The following ACBD6 variants were observed in gnomAD, a reference collection of about 807,000 sequenced individuals.
ACBD6 encodes the protein acyl-CoA-binding domain-containing protein 6.
ACBD6 carries 28 observed loss-of-function variants against 37.2 expected under a neutral mutation model. That is an observed-to-expected ratio of 0.75 (90% CI 0.56 to 1.03). The LOEUF is 1.03. Among genes scored for constraint, ACBD6 ranks in the 50% least tolerant of loss-of-function variants. The probability of loss-of-function intolerance (pLI) is 0.00; values close to 1 mark genes in which losing one functional copy is unlikely to be tolerated. For synonymous variants in ACBD6, 113 were observed against 126.8 expected (o/e 0.89, Z 0.73); for missense variants, 340 against 337.4 (o/e 1.01, Z -0.06).
chr1:180,395,524 T>C (rs1654227769), intron 6 of ACBD6, among the ~76,000 whole-genome samples: 3 of 152,182 alleles, frequency 2.0e-5, no homozygotes, highest in Admixed American at 6.5e-5. Flanking sequence ...AAGACAAAGA[T>C]GCCTATGTTA....
At chr1:180,405,275 T>C (rs1162969217) in intron 5 of ACBD6, among the ~76,000 whole-genome samples, 1 of 13,222 alleles carries the variant, frequency 7.6e-5, no homozygotes, top group Non-Finnish European at 1.3e-4. Flanking sequence ...GCATGCAAAT[T>C]GTATTGTTAG....
chr1:180,435,820 G>T, intron 3 of ACBD6: 1 of 999,574 alleles, frequency 1.0e-6, no homozygotes, highest in African/African-American at 1.6e-5. Flanking sequence ...CCAGCCTGAT[G>T]GGTTTAGGAT....
chr1:180,379,189 C>G (rs1051721636), intron 6 of ACBD6, among the ~76,000 whole-genome samples: 2 of 152,162 alleles, frequency 1.3e-5, no homozygotes, highest in Admixed American at 6.5e-5. Flanking sequence ...AGAAATTACA[C>G]TACCAGAATG....
intron 3 of ACBD6, among the ~76,000 whole-genome samples, chr1:180,448,218 A>G (rs1649551481): frequency 2.0e-5 from 3 of 152,242 alleles, no homozygotes; most frequent in Admixed American, 1.3e-4. Context: ...ACCAAGACCC[A>G]TACAAATATT....
intron 3 of ACBD6, among the ~76,000 whole-genome samples, chr1:180,442,631 A>C (rs994374698): frequency 6.6e-6 from 1 of 152,016 alleles, no homozygotes; most frequent in Non-Finnish European, 1.5e-5. Context: ...CAGCTCATTG[A>C]AGTTCTGTTC....
chr1:180,495,708 T>C (rs1383292712), intron 1 of ACBD6, among the ~76,000 whole-genome samples, 183 bp from the exon 2 acceptor site: 1 of 152,200 alleles, frequency 6.6e-6, no homozygotes, highest in Non-Finnish European at 1.5e-5. Context: ...GAATCAAACA[T>C]TACATACAGC....
intron 7 of ACBD6, among the ~76,000 whole-genome samples, chr1:180,300,129 G>C (rs1650075168): frequency 6.6e-6 from 1 of 152,154 alleles, no homozygotes; most frequent in Non-Finnish European, 1.5e-5. Flanking sequence ...AAGGACAGCT[G>C]TCAAGCCCAA....
chr1:180,305,130 T>C (rs1296098881), intron 7 of ACBD6, among the ~76,000 whole-genome samples: 1 of 152,102 alleles, frequency 6.6e-6, no homozygotes, highest in African/African-American at 2.4e-5. Flanking sequence ...ATGATAGACC[T>C]AAAACCATAA....
chr1:180,339,406 T>C (rs1651883903), intron 6 of ACBD6, among the ~76,000 whole-genome samples: 1 of 152,176 alleles, frequency 6.6e-6, no homozygotes, highest in Non-Finnish European at 1.5e-5. Flanking sequence ...CTGGAAACCG[T>C]CATTCTCAGC....
At chr1:180,338,033 A>C (rs533466097) in intron 6 of ACBD6, among the ~76,000 whole-genome samples, 2 of 152,306 alleles carry the variant, frequency 1.3e-5, no homozygotes, top group Admixed American at 1.3e-4. Context: ...AAGAGGATCC[A>C]AACAATGGAA....
At chr1:180,368,200 C>T (rs1391493634) in intron 6 of ACBD6, among the ~76,000 whole-genome samples, 1 of 151,864 alleles carries the variant, frequency 6.6e-6, no homozygotes, top group Non-Finnish European at 1.5e-5. Flanking sequence ...TTTGAAGTGT[C>T]TGTCCCTGTT....
At chr1:180,360,824 G>C (rs1197532300) in intron 6 of ACBD6, among the ~76,000 whole-genome samples, 1 of 152,034 alleles carries the variant, frequency 6.6e-6, no homozygotes, top group East Asian at 1.9e-4. Flanking sequence ...ATTATAGTCT[G>C]GTACACTGTT....
intron 3 of ACBD6, among the ~76,000 whole-genome samples, chr1:180,436,827 A>G (rs1172254436): frequency 6.6e-6 from 1 of 152,180 alleles, no homozygotes; most frequent in Non-Finnish European, 1.5e-5. Context: ...AAACAAAACT[A>G]CCTCAAAATA....
Position 180,337,571 on chromosome 1 carries a change from G to C in ACBD6, c.664-22849C>G, listed in dbSNP as rs569042983. On this transcript the variant is annotated intron_variant, in intron 6 of 7. Coordinates refer to ENST00000367595, the MANE Select transcript of ACBD6 (RefSeq NM_032360.4). ...CATACTGAATGGGCAAAAACTGGAA[G>C]CATTCCCTTTGAAAATGGGCACAAG... is the stretch of plus-strand genomic sequence containing the variant. Among the ~76,000 whole-genome samples, 1,072 of 152,274 alleles carry C rather than the reference G, an allele frequency of 7.0e-3. 3 individuals carry two copies. The highest frequency in any genetic ancestry group is 0.011 in the African/African-American group (475 of 41,556).
downstream of ACBD6, among the ~76,000 whole-genome samples, chr1:180,283,455 C>T (rs1379401569): frequency 1.3e-5 from 2 of 152,106 alleles, no homozygotes; most frequent in African/African-American, 2.4e-5. Context: ...CAGCTCCTCC[C>T]CTGGTTTTCT....
At chr1:180,349,844 G>A (rs1321359960) in intron 6 of ACBD6, among the ~76,000 whole-genome samples, 1 of 151,870 alleles carries the variant, frequency 6.6e-6, no homozygotes, top group Non-Finnish European at 1.5e-5. Flanking sequence ...AAATGTCACT[G>A]TAAAACTGAT....
At chr1:180,285,996 G>A (rs149753484), downstream of ACBD6, among the ~76,000 whole-genome samples, 31 of 152,228 alleles carry the variant, frequency 2.0e-4, no homozygotes, top group African/African-American at 7.5e-4. Flanking sequence ...TACTTTCTAT[G>A]AGACTTTTCA....
At chr1:180,389,522 T>A (rs904523113) in intron 6 of ACBD6, among the ~76,000 whole-genome samples, 34 of 152,226 alleles carry the variant, frequency 2.2e-4, no homozygotes, top group African/African-American at 8.0e-4. Flanking sequence ...TACCCAGTAA[T>A]GGGATGGCTG....
intron 6 of ACBD6, among the ~76,000 whole-genome samples, chr1:180,394,661 A>G (rs1476800150): frequency 6.6e-6 from 1 of 152,198 alleles, no homozygotes; most frequent in Non-Finnish European, 1.5e-5. Context: ...ACTGAAATAC[A>G]TAAAAGAATT....
Sources: gnomAD v4.1 joint callset for allele counts (sites outside exome capture counted in the v4.1 genomes callset) on GRCh38, gnomAD v4.1.1 for gene constraint, MANE v1.5 for transcripts, NCBI Gene and HGNC (gene_info 2026-07-23, HGNC 2026-07-21) for gene names.